Variants in ACKR2 observed in about 807,000 individuals in gnomAD.
ACKR2 encodes the protein atypical chemokine receptor 2.
For missense variants in ACKR2, 457 were observed against 477.3 expected, an observed-to-expected ratio of 0.96 and a Z score of 0.40; for synonymous variants, 207 against 192.2, an observed-to-expected ratio of 1.08 and a Z score of -0.64.
chr3:42,830,284 T>A (rs888971988), intron 2 of ACKR2, among the ~76,000 whole-genome samples: 11 of 151,726 alleles, frequency 7.2e-5, no homozygotes, highest in African/African-American at 2.4e-4. Context: ...ATTTATTTAA[T>A]TTTTTTTTAA....
At chr3:42,822,277 T>TTA (rs1273223764) in intron 2 of ACKR2, among the ~76,000 whole-genome samples, 1 of 152,152 alleles carries the variant, frequency 6.6e-6, no homozygotes, top group Admixed American at 6.5e-5. Flanking sequence ...TTATTTCCGT[T>TTA]TTTAAAAATA....
intron 2 of ACKR2, among the ~76,000 whole-genome samples, chr3:42,827,357 A>G (rs1242238104): frequency 1.1e-4 from 16 of 152,232 alleles, no homozygotes; most frequent in South Asian, 8.3e-4. Context: ...TTGAATTTCT[A>G]TAATTCTGCC....
At chr3:42,847,986 C>T (rs894292906) in intron 2 of ACKR2, among the ~76,000 whole-genome samples, 4 of 151,988 alleles carry the variant, frequency 2.6e-5, no homozygotes, top group African/African-American at 4.8e-5. Context: ...GAGTGTCTGA[C>T]GTGCTATGGC....
intron 1 of ACKR2, among the ~76,000 whole-genome samples, chr3:42,812,406 G>A (rs1370788432): frequency 6.6e-6 from 1 of 152,148 alleles, no homozygotes; most frequent in Non-Finnish European, 1.5e-5. Context: ...ATTTTTTTCT[G>A]AAGATTGAGT....
chr3:42,824,098 T>A (rs1700837687), intron 2 of ACKR2, among the ~76,000 whole-genome samples: 1 of 152,174 alleles, frequency 6.6e-6, no homozygotes, highest in Non-Finnish European at 1.5e-5. Flanking sequence ...TCTCATCCCA[T>A]AGATATCTCA....
At position 42,858,618 on chromosome 3, in the gene ACKR2, C is replaced by T. The variant is rs148316732; in HGVS notation, c.-37-5848C>T. Among the ~76,000 whole-genome samples, 683 of 132,860 alleles carry T rather than the reference C, an allele frequency of 5.1e-3. 6 individuals carry two copies. Among genetic ancestry groups the T allele is most frequent in the African/African-American group, 0.017 (660 of 38,800 alleles). The allele number at this position is 132,860 out of a possible 152,430, so 87.2% of individuals were successfully genotyped here. A position where few individuals can be genotyped will look rare whatever the true frequency, so the allele number is the denominator to read the frequency against. ...TCCAAAAACCAGAACACCTCTTCTC[C>T]TCCAAATGATCACAACTCCTTGCAG... On this transcript the variant is annotated intron_variant, in intron 2 of 2. Coordinates refer to ENST00000422265, the MANE Select transcript of ACKR2 (RefSeq NM_001296.5).
In ACKR2 at chr3:42,809,510, T is replaced by G. The variant is rs1313464901; in HGVS notation, c.-141T>G. 3 of 152,240 alleles carry G rather than the reference T, an allele frequency of 2.0e-5. No homozygotes were observed. Among genetic ancestry groups the G allele is most frequent in the Non-Finnish European group, 4.4e-5 (3 of 68,054 alleles). 9.4% of individuals were successfully genotyped at this position (152,240 alleles called of 1,614,324 possible). ...GATCCTTTCTGGAATGGAGGTCTTA[T>G]GAGCTGCTATTGAACACGGCAGGTG... On this transcript the variant is annotated 5_prime_UTR_variant, in exon 1 of 3. An upstream start codon of the reference 5' UTR is lost. Transcript: ENST00000422265.
Position 42,865,339 on chromosome 3 carries a change from A to G in ACKR2, c.837A>G (p.Gln279=), listed in dbSNP as rs761612800. The G allele has an allele frequency of 6.8e-6, 11 of 1,614,230 alleles. No individual in the cohort carries two copies. The highest frequency in any genetic ancestry group is 9.3e-6 in the Non-Finnish European group (11 of 1,180,042). The change falls in exon 3 of 3, where the codon CAA becomes CAG. Residue 279 remains glutamine, a synonymous_variant. Transcript: ENST00000422265. ...TTCTGCATACGCTGTTGGACCTGCA[A>G]GTATTCGGGAACTGTGAGGTCAGCC... is the stretch of plus-strand genomic sequence containing the variant. ...TLFLHTLLDL[Q]VFGNCEVSQH...
At chr3:42,861,067 T>C (rs1032724474) in intron 2 of ACKR2, among the ~76,000 whole-genome samples, 1 of 152,036 alleles carries the variant, frequency 6.6e-6, no homozygotes, top group Non-Finnish European at 1.5e-5. Flanking sequence ...AATCAATGAA[T>C]CCAGGAGCTG....
intron 1 of ACKR2, among the ~76,000 whole-genome samples, chr3:42,812,480 A>G (rs1168430671): frequency 6.6e-6 from 1 of 152,146 alleles, no homozygotes; most frequent in African/African-American, 2.4e-5. Flanking sequence ...CTTTTAATGA[A>G]AATACAGTTT....
chr3:42,834,142 G>A (rs1403162325), intron 2 of ACKR2, among the ~76,000 whole-genome samples: 1 of 152,030 alleles, frequency 6.6e-6, no homozygotes, highest in Non-Finnish European at 1.5e-5. Flanking sequence ...ATTTTTAGTA[G>A]AGATGGGGTT....
intron 2 of ACKR2, among the ~76,000 whole-genome samples, chr3:42,843,071 T>TATTA (rs1189381491): frequency 7.0e-6 from 1 of 143,320 alleles, no homozygotes; most frequent in African/African-American, 2.6e-5. Context: ...TTTATTTATT[T>TATTA]ATTATTCATT....
chr3:42,853,390 T>C (rs1227174235), intron 2 of ACKR2, among the ~76,000 whole-genome samples: 2 of 152,168 alleles, frequency 1.3e-5, no homozygotes, highest in Admixed American at 6.5e-5. Context: ...AGTGCATTAT[T>C]ACATATAAAG....
rs1361128363 is a variant in ACKR2 at position 42,837,856 on chromosome 3, G to T, written c.-38+18145G>T. On this transcript the variant is annotated intron_variant, in intron 2 of 2. Transcript: ENST00000422265. ...GAGGAAATCAGCCCCCATCTCCCTGGACTTCCATGCCATTTATTTTGAAAG... is the reference window on the plus strand; with the variant it reads ...GAGGAAATCAGCCCCCATCTCCCTGTACTTCCATGCCATTTATTTTGAAAG... 5.3e-5 allele frequency among the ~76,000 whole-genome samples: 8 copies of T among 152,138 alleles called. 1 individual carries two copies. Among genetic ancestry groups the T allele is most frequent in the Admixed American group, 5.2e-4 (8 of 15,276 alleles).
rs751815301 is a variant in ACKR2, at chr3:42,810,667, A to G, written c.-119+1135A>G. ...AAATTGTACGACCCGACCACTACCA[A>G]TAAAAAAAGAATACAAAGGCAAGAC... On this transcript the variant is annotated intron_variant, in intron 1 of 2. Coordinates refer to ENST00000422265, the MANE Select transcript of ACKR2 (RefSeq NM_001296.5). Among the ~76,000 whole-genome samples the G allele has an allele frequency of 4.5e-4, 68 of 152,346 alleles. 1 individual carries two copies. Among genetic ancestry groups the G allele is most frequent in the South Asian group, 1.0e-3 (5 of 4,830 alleles).
chr3:42,856,367 T>C (rs1188026700), intron 2 of ACKR2: 1 of 702,264 alleles, frequency 1.4e-6, no homozygotes, highest in Non-Finnish European at 2.6e-6. Context: ...TCAGGAGAGG[T>C]TCTGTTTCAG....
At chr3:42,836,747 G>C (rs1270589185) in intron 2 of ACKR2, among the ~76,000 whole-genome samples, 1 of 152,200 alleles carries the variant, frequency 6.6e-6, no homozygotes, top group Non-Finnish European at 1.5e-5. Context: ...TGGCATTCAA[G>C]ATGGACTGAG....
intron 2 of ACKR2, among the ~76,000 whole-genome samples, chr3:42,861,558 C>CA (rs1372831432): frequency 1.3e-5 from 2 of 151,970 alleles, no homozygotes; most frequent in Non-Finnish European, 2.9e-5. Flanking sequence ...AAAGACACAA[C>CA]AAAAAAAGAA....
At chr3:42,814,381 G>A (rs1389187621) in intron 1 of ACKR2, among the ~76,000 whole-genome samples, 1 of 152,226 alleles carries the variant, frequency 6.6e-6, no homozygotes, top group Non-Finnish European at 1.5e-5. Flanking sequence ...CACAAAAAGT[G>A]TCTGCCAGCT....
Sources: gnomAD v4.1 joint callset for allele counts (sites outside exome capture counted in the v4.1 genomes callset) on GRCh38, gnomAD v4.1.1 for gene constraint, MANE v1.5 for transcripts, NCBI Gene and HGNC (gene_info 2026-07-23, HGNC 2026-07-21) for gene names.